The following ITCH variants were observed in gnomAD, a reference collection of about 807,000 sequenced individuals.
The protein encoded by ITCH is itchy E3 ubiquitin protein ligase, also known as E3 ubiquitin-protein ligase Itchy homolog.
A neutral mutation model predicts 126.8 loss-of-function variants in ITCH; 28 were observed. That is an observed-to-expected ratio of 0.22 (90% confidence interval 0.16 to 0.30). ITCH has a LOEUF of 0.30. Ranked by LOEUF, ITCH falls within the 10% of genes least tolerant of loss-of-function variation. The probability of loss-of-function intolerance (pLI) is 1.00; values close to 1 mark genes in which losing one functional copy is unlikely to be tolerated. For synonymous variants in ITCH, 342 were observed against 340.0 expected (o/e 1.01, Z -0.06); for missense variants, 631 against 1,032.4 (o/e 0.61, Z 5.33).
At chr20:34,369,320 A>C in intron 1 of ITCH, 74 bp from the exon 2 acceptor site, 1 of 375,450 alleles carries the variant, frequency 2.7e-6, no homozygotes, top group East Asian at 3.7e-5. Context: ...CGACAGAGCA[A>C]GACTCCATCT....
At chr20:34,462,281 A>C (rs1432938822) in intron 14 of ITCH, 60 bp downstream of exon 14, 1 of 1,539,634 alleles carries the variant, frequency 6.5e-7, no homozygotes, top group African/African-American at 1.4e-5. Context: ...ATTTTGATAT[A>C]AAGATTTGTA....
intron 18 of ITCH, 89 bp downstream of exon 18, chr20:34,479,878 AG>A: frequency 8.5e-7 from 1 of 1,182,050 alleles, no homozygotes; most frequent in South Asian, 1.2e-5. Context: ...TATGAGAGAA[AG>A]GGAAGTGGTT....
intron 6 of ITCH, among the ~76,000 whole-genome samples, chr20:34,421,538 T>A (rs891344393): frequency 4.6e-5 from 7 of 152,232 alleles, no homozygotes; most frequent in African/African-American, 1.7e-4. Context: ...TAAAATGCAG[T>A]GGTTAAGAAC....
intron 1 of ITCH, among the ~76,000 whole-genome samples, chr20:34,366,973 T>G (rs1300889922): frequency 6.6e-6 from 1 of 152,164 alleles, no homozygotes; most frequent in Non-Finnish European, 1.5e-5. Flanking sequence ...TGCAATATTG[T>G]TGCCATATTT....
intron 23 of ITCH, among the ~76,000 whole-genome samples, chr20:34,495,954 T>C (rs926689107): frequency 7.0e-6 from 1 of 143,858 alleles, no homozygotes; most frequent in Non-Finnish European, 1.5e-5. Flanking sequence ...AAAAATTAGC[T>C]GAGAGTGGTG....
chr20:34,401,769 A>G (rs2038894374), intron 3 of ITCH: 2 of 318,638 alleles, frequency 6.3e-6, no homozygotes, highest in South Asian at 1.2e-4. Context: ...AGGAGGGGGA[A>G]AAAAAACCAC....
At chr20:34,437,675 A>G (rs74736191) in intron 7 of ITCH, among the ~76,000 whole-genome samples, 268 of 152,294 alleles carry the variant, frequency 1.8e-3, no homozygotes, top group Non-Finnish European at 3.0e-3. Flanking sequence ...AGTATGGGTT[A>G]GTACTGTGTA....
intron 23 of ITCH, among the ~76,000 whole-genome samples, chr20:34,499,272 C>CTGTT (rs1990092141): frequency 4.3e-5 from 1 of 23,008 alleles, no homozygotes; most frequent in Non-Finnish European, 7.6e-5. Context: ...CTGTGCCCAG[C>CTGTT]TTTTTTTTTT....
intron 6 of ITCH, among the ~76,000 whole-genome samples, chr20:34,417,669 G>C (rs1021434289): frequency 2.0e-5 from 3 of 149,648 alleles, no homozygotes; most frequent in African/African-American, 7.4e-5. Context: ...CAAAGTGCTG[G>C]GATTATAGGC....
intron 1 of ITCH, among the ~76,000 whole-genome samples, chr20:34,368,081 C>T (rs1358217214): frequency 2.6e-5 from 4 of 152,030 alleles, no homozygotes; most frequent in Non-Finnish European, 1.5e-5. Flanking sequence ...TCATCCTGGC[C>T]AACGTGGTGA....
chr20:34,461,574 G>T (rs11907886), intron 13 of ITCH, among the ~76,000 whole-genome samples: 102 of 152,166 alleles, frequency 6.7e-4, no homozygotes, highest in African/African-American at 2.3e-3. Context: ...CTGGGCGTGG[G>T]CGTGGTGGCA....
intron 2 of ITCH, among the ~76,000 whole-genome samples, chr20:34,390,748 C>T (rs1441843939): frequency 1.3e-5 from 2 of 149,848 alleles, no homozygotes; most frequent in Non-Finnish European, 3.0e-5. Context: ...CTGTGCCCAG[C>T]CTAGATTTAA....
At chr20:34,499,857 A>G (rs1312487598) in intron 23 of ITCH, among the ~76,000 whole-genome samples, 1 of 151,954 alleles carries the variant, frequency 6.6e-6, no homozygotes, top group Non-Finnish European at 1.5e-5. Context: ...TGGTTTTGCT[A>G]TATTTTATAA....
intron 23 of ITCH, 41 bp downstream of exon 23, chr20:34,492,638 T>C (rs1385532270): frequency 1.6e-6 from 2 of 1,278,194 alleles, no homozygotes; most frequent in East Asian, 4.6e-5. Flanking sequence ...GAAAATTGTT[T>C]ATCATGCTGC....
intron 2 of ITCH, among the ~76,000 whole-genome samples, chr20:34,372,656 A>G (rs1389181208): frequency 6.6e-6 from 1 of 152,090 alleles, no homozygotes; most frequent in Non-Finnish European, 1.5e-5. Context: ...CTGGGATTAC[A>G]GGCATGAGCC....
At chr20:34,375,607 A>G (rs529263157) in intron 2 of ITCH, among the ~76,000 whole-genome samples, 1 of 150,942 alleles carries the variant, frequency 6.6e-6, no homozygotes, top group Admixed American at 6.6e-5. Context: ...GTTTTACATG[A>G]TAAATATATA....
intron 3 of ITCH, among the ~76,000 whole-genome samples, chr20:34,407,746 A>G (rs765549419): frequency 6.6e-6 from 1 of 152,036 alleles, no homozygotes; most frequent in Non-Finnish European, 1.5e-5. Flanking sequence ...TGTCATTTGG[A>G]TGGTTGCTTA....
intron 7 of ITCH, among the ~76,000 whole-genome samples, chr20:34,430,476 T>C (rs1035326786): frequency 1.3e-5 from 2 of 152,160 alleles, no homozygotes; most frequent in African/African-American, 4.8e-5. Flanking sequence ...GATTTTGTTC[T>C]GTTTTGTTTT....
rs1329658769 is a variant in ITCH, at chr20:34,427,581, CAG to C, written c.521+3059_521+3060del. 3.3e-5 allele frequency among the ~76,000 whole-genome samples: 5 copies of C among 152,078 alleles called. No individual in the cohort carries two copies. The East Asian group carries it at 9.7e-4, about 29-fold the overall frequency. ...TGAGCTGAGATCGTGCCACTGTACT[CAG>C]AGTGATGACAGTTAGACCCTGTGTC... On this transcript the variant is annotated intron_variant, in intron 7 of 24. Transcript: ENST00000374864.
Sources: gnomAD v4.1 joint callset for allele counts (sites outside exome capture counted in the v4.1 genomes callset) on GRCh38, gnomAD v4.1.1 for gene constraint, MANE v1.5 for transcripts, NCBI Gene and HGNC (gene_info 2026-07-23, HGNC 2026-07-21) for gene names.